The following MEGF11 variants were observed in gnomAD, a reference collection of about 807,000 sequenced individuals.
MEGF11 encodes the protein multiple epidermal growth factor-like domains protein 11.
A neutral mutation model predicts 146.6 loss-of-function variants in MEGF11; 126 were observed. The ratio of observed to expected loss-of-function variants is 0.86; its 90% confidence interval spans 0.74 to 1.00. MEGF11 has a LOEUF of 1.00. MEGF11 is among the 50% of genes least tolerant of loss of function. The probability of loss-of-function intolerance (pLI) is 0.00; values close to 1 mark genes in which losing one functional copy is unlikely to be tolerated. For synonymous variants in MEGF11, 532 were observed against 583.4 expected, an observed-to-expected ratio of 0.91 and a Z score of 1.27; for missense variants, 1,509 against 1,521.2, an observed-to-expected ratio of 0.99 and a Z score of 0.13.
intron 24 of MEGF11, among the ~76,000 whole-genome samples, chr15:65,903,615 C>A (rs1420606936): frequency 6.6e-6 from 1 of 152,234 alleles, no homozygotes; most frequent in Admixed American, 6.5e-5. Context: ...GACTACAACC[C>A]ACATTCCTTA....
intron 1 of MEGF11, among the ~76,000 whole-genome samples, chr15:66,172,102 C>T (rs555764681): frequency 3.9e-5 from 6 of 152,246 alleles, no homozygotes; most frequent in South Asian, 4.1e-4. Flanking sequence ...CGGATGGTGG[C>T]GGTGGATGGC....
intron 5 of MEGF11, among the ~76,000 whole-genome samples, chr15:66,060,644 C>T (rs979726803): frequency 2.0e-5 from 3 of 152,360 alleles, no homozygotes; most frequent in South Asian, 2.1e-4. Flanking sequence ...TTGGCCCCCC[C>T]GCCATGGCTT....
At position 65,898,061 on chromosome 15, in the gene MEGF11, C is replaced by G. The variant is rs377367662; in HGVS notation, c.3296G>C (p.Gly1099Ala). The change falls in exon 26 of 26, where the codon GGT becomes GCT. Residue 1099 changes from glycine (G) to alanine (A), a missense_variant. Transcript: ENST00000395614. ...PTVSVVQEGC[G>A]HNSSYIQNAY... is the part of the protein sequence containing the mutation. ...ATTCTGGATATAGCTGGAGTTATGA[C>G]CGCAACCTTCTTGGACCACACTGAC... 3.1e-6 allele frequency: 5 copies of G among 1,613,588 alleles called. No homozygotes were observed. Among genetic ancestry groups the G allele is most frequent in the Admixed American group, 1.7e-5 (1 of 59,990 alleles).
At chr15:66,180,793 G>A (rs1193225758) in intron 1 of MEGF11, among the ~76,000 whole-genome samples, 3 of 152,200 alleles carry the variant, frequency 2.0e-5, no homozygotes, top group Non-Finnish European at 4.4e-5. Context: ...TAGTTAAGTT[G>A]TCTAGCTCTA....
At chr15:66,196,494 G>A (rs1345254823) in intron 1 of MEGF11, among the ~76,000 whole-genome samples, 1 of 152,046 alleles carries the variant, frequency 6.6e-6, no homozygotes, top group Non-Finnish European at 1.5e-5. Flanking sequence ...TGGTGGTGGT[G>A]AGGTGGGATT....
chr15:65,987,657 C>T (rs2081909565), intron 5 of MEGF11, among the ~76,000 whole-genome samples: 1 of 152,162 alleles, frequency 6.6e-6, no homozygotes, highest in Admixed American at 6.6e-5. Context: ...TAAGCAGTAA[C>T]TCCCTAGTTC....
In MEGF11 at chr15:65,929,858, C is replaced by T; in HGVS notation, c.1434G>A (p.Leu478=). 1 of 1,598,298 alleles carries T rather than the reference C, an allele frequency of 6.3e-7. No homozygotes were observed. Among genetic ancestry groups the T allele is most frequent in the East Asian group, 2.3e-5 (1 of 44,070 alleles). Residue 478 remains leucine, a synonymous_variant, in exon 12 of 26, where the codon CTG becomes CTA. Coordinates refer to ENST00000395614, the MANE Select transcript of MEGF11 (RefSeq NM_001385028.1). The stretch of plus-strand genomic sequence containing the variant: ...GGCCCCACGTCCCACTGGGACATGG[C>T]AGGGTGCAGTCCAGGCCCTGCCACC... ...KEGWQGLDCT[L]PCPSGTWGLN...
At chr15:66,197,308 G>A (rs1208026994) in intron 1 of MEGF11, among the ~76,000 whole-genome samples, 1 of 152,150 alleles carries the variant, frequency 6.6e-6, no homozygotes, top group Non-Finnish European at 1.5e-5. Context: ...GATAATCCCA[G>A]GCTCTGAGAT....
Position 66,084,633 on chromosome 15 carries a change from G to A in MEGF11, c.394+9769C>T, listed in dbSNP as rs150333293. On this transcript the variant is annotated intron_variant, in intron 5 of 25. Transcript: ENST00000395614. ...GAGCCGAGTAAAATACAGGGGTAGA[G>A]GAAGCAGCAGAAAGGCTTAGTGGTC... is the stretch of plus-strand genomic sequence containing the variant. Among the ~76,000 whole-genome samples the A allele has an allele frequency of 5.6e-3, 859 of 152,310 alleles. 6 individuals are homozygous for A. Among genetic ancestry groups the A allele is most frequent in the Non-Finnish European group, 7.8e-3 (531 of 68,022 alleles).
In MEGF11 at chr15:66,010,641, A is replaced by C. The variant is rs184116844; in HGVS notation, c.395-28153T>G. On this transcript the variant is annotated intron_variant, in intron 5 of 25. Transcript: ENST00000395614. ...GTCACAAGTGATTTGCTACTAACGT[A>C]GTTCCAAGCTGGCGAATAATTTATT... 2.7e-4 allele frequency among the ~76,000 whole-genome samples: 41 copies of C among 152,346 alleles called. No individual in the cohort carries two copies. In the East Asian group the frequency reaches 6.0e-3, roughly 22 times the overall value.
chr15:66,216,331 G>A (rs913513232), intron 1 of MEGF11, among the ~76,000 whole-genome samples: 1 of 152,170 alleles, frequency 6.6e-6, no homozygotes, highest in South Asian at 2.1e-4. Context: ...GGAAGTGGCT[G>A]TGGTTCTTAA....
At chr15:66,114,966 G>A (rs2087648978) in intron 4 of MEGF11, among the ~76,000 whole-genome samples, 1 of 152,192 alleles carries the variant, frequency 6.6e-6, no homozygotes, top group African/African-American at 2.4e-5. Context: ...CACACACAGG[G>A]ATGGTCCGTC....
chr15:66,245,947 C>T (rs941112226), intron 1 of MEGF11, among the ~76,000 whole-genome samples: 2 of 151,926 alleles, frequency 1.3e-5, no homozygotes, highest in East Asian at 1.9e-4. Flanking sequence ...AGGGAGAGAA[C>T]ATATACAAGA....
At chr15:66,071,645 G>T (rs1019382269) in intron 5 of MEGF11, among the ~76,000 whole-genome samples, 3 of 152,192 alleles carry the variant, frequency 2.0e-5, no homozygotes, top group African/African-American at 7.2e-5. Context: ...CGGGTTCCCA[G>T]TTGGGGCTGT....
chr15:66,068,113 A>G (rs752292519), intron 5 of MEGF11, among the ~76,000 whole-genome samples: 1 of 152,220 alleles, frequency 6.6e-6, no homozygotes, highest in Admixed American at 6.5e-5. Flanking sequence ...CCCTGGTATT[A>G]ATATATAGTT....
chr15:65,970,449 G>T, intron 8 of MEGF11, 104 bp downstream of exon 8: 1 of 1,315,878 alleles, frequency 7.6e-7, no homozygotes, highest in Non-Finnish European at 1.0e-6. Flanking sequence ...TCTGAGAAAG[G>T]AACTGGAAGG....
intron 10 of MEGF11, among the ~76,000 whole-genome samples, chr15:65,933,758 C>G (rs956125226): frequency 2.0e-5 from 3 of 152,196 alleles, no homozygotes; most frequent in East Asian, 1.9e-4. Context: ...AGAGGGTGGA[C>G]TCTGGTACCA....
chr15:66,076,565 G>A (rs377542624), intron 5 of MEGF11, among the ~76,000 whole-genome samples: 1 of 152,200 alleles, frequency 6.6e-6, no homozygotes, highest in South Asian at 2.1e-4. Context: ...CTATTGAACA[G>A]TGACTGCCTG....
chr15:66,047,518 G>T (rs775492851), intron 5 of MEGF11, among the ~76,000 whole-genome samples: 1 of 152,070 alleles, frequency 6.6e-6, no homozygotes, highest in Non-Finnish European at 1.5e-5. Context: ...TAATAAACAC[G>T]AACTCCCCAG....
Sources: gnomAD v4.1 joint callset for allele counts (sites outside exome capture counted in the v4.1 genomes callset) on GRCh38, gnomAD v4.1.1 for gene constraint, MANE v1.5 for transcripts, NCBI Gene and HGNC (gene_info 2026-07-23, HGNC 2026-07-21) for gene names.